Variants in CNRIP1 observed in about 807,000 individuals in gnomAD.
CNRIP1 encodes cannabinoid receptor interacting protein 1, also known as CB1 cannabinoid receptor-interacting protein 1.
In CNRIP1, 10 loss-of-function variants were observed where a neutral mutation model predicts 15.2. The observed-to-expected ratio is 0.66, with a 90% CI of 0.41 to 1.12. The LOEUF is 1.12. Ranked by LOEUF, CNRIP1 falls within the 50% of genes most tolerant of loss-of-function variation. The probability of loss-of-function intolerance (pLI) is 0.00; values close to 1 mark genes in which losing one functional copy is unlikely to be tolerated. For missense variants in CNRIP1, 211 were observed against 214.7 expected, an observed-to-expected ratio of 0.98 and a Z score of 0.11; for synonymous variants, 91 against 83.2, an observed-to-expected ratio of 1.09 and a Z score of -0.51.
rs1671243204 is a variant in CNRIP1, at chr2:68,293,718, C to T, written c.*144G>A. On this transcript the variant is annotated 3_prime_UTR_variant, in exon 3 of 3. Coordinates refer to ENST00000263655, the MANE Select transcript of CNRIP1 (RefSeq NM_015463.3). ...GATATTGTGTCAGAGGGGAATTACA[C>T]TTTCAAAATAACCAGGGCTAGTAGG... The T allele has an allele frequency of 1.4e-6, 2 of 1,435,668 alleles. No homozygotes were observed. Among genetic ancestry groups the T allele is most frequent in the Non-Finnish European group, 1.8e-6 (2 of 1,093,456 alleles). The allele number at this position is 1,435,668 out of a possible 1,614,324, so 88.9% of individuals were successfully genotyped here.
intron 2 of CNRIP1, among the ~76,000 whole-genome samples, chr2:68,294,512 C>T (rs1458827748): frequency 6.6e-6 from 1 of 152,072 alleles, no homozygotes; most frequent in East Asian, 1.9e-4. Flanking sequence ...CCATGTTCAT[C>T]CCCCAAATGG....
intron 2 of CNRIP1, among the ~76,000 whole-genome samples, chr2:68,310,723 A>AAG (rs1045153435): frequency 6.6e-6 from 1 of 151,972 alleles, no homozygotes; most frequent in African/African-American, 2.4e-5. Flanking sequence ...AAAAAAAAAA[A>AAG]AAGTCAGGCT....
downstream of CNRIP1, among the ~76,000 whole-genome samples, chr2:68,288,023 G>C (rs1221048025): frequency 1.3e-5 from 2 of 151,900 alleles, no homozygotes; most frequent in Admixed American, 6.6e-5. Flanking sequence ...CCCCGTAAAG[G>C]CTAACAGATT....
At chr2:68,316,880 T>C in intron 2 of CNRIP1, 1 of 601,904 alleles carries the variant, frequency 1.7e-6, no homozygotes, top group Non-Finnish European at 3.0e-6. Context: ...AAGTAGACTA[T>C]AACTGGGAAA....
chr2:68,284,442 C>G, exon 3 of CNRIP1: 1 of 1,528,568 alleles, frequency 6.5e-7, no homozygotes, highest in Non-Finnish European at 8.8e-7. Context: ...TCTTCACATT[C>G]ATATGTAAGA....
chr2:68,307,560 A>G lies in CNRIP1; in HGVS notation c.330+9597T>C, dbSNP rs191604575. ...AGGCTAGTCTTGAACTCCTGCCCAC[A>G]TGCGATCCTCTTGCCTTGTCCTCCC... is the stretch of plus-strand genomic sequence containing the variant. On this transcript the variant is annotated intron_variant, in intron 2 of 2. Coordinates refer to ENST00000263655, the MANE Select transcript of CNRIP1 (RefSeq NM_015463.3). Among the ~76,000 whole-genome samples, 46 of 152,250 alleles carry G rather than the reference A, an allele frequency of 3.0e-4. No homozygotes were observed. In the East Asian group the frequency reaches 8.5e-3, roughly 28 times the overall value.
chr2:68,297,918 AT>A, intron 2 of CNRIP1, among the ~76,000 whole-genome samples: 1 of 152,304 alleles, frequency 6.6e-6, no homozygotes, highest in South Asian at 2.1e-4. Context: ...AAAATGAAAA[AT>A]ATTACCTTCT....
intron 2 of CNRIP1, among the ~76,000 whole-genome samples, chr2:68,315,557 A>G (rs72904274): frequency 9.7e-4 from 148 of 152,150 alleles, no homozygotes; most frequent in African/African-American, 3.4e-3. Context: ...AATTTGATAC[A>G]TTCATAAAAT....
intron 1 of CNRIP1, 114 bp downstream of exon 1, chr2:68,319,108 C>A: frequency 8.8e-7 from 1 of 1,139,228 alleles, no homozygotes; most frequent in South Asian, 1.8e-5. Context: ...CCCGGGCCCG[C>A]TGGGAGCGGC....
chr2:68,284,374 G>GAA (rs5831925), exon 3 of CNRIP1: 3,188 of 969,898 alleles, frequency 3.3e-3, no homozygotes, highest in South Asian at 9.2e-3. Context: ...AAATAATTTG[G>GAA]AAAAAAAAAA....
At chr2:68,300,535 T>C (rs1032437493) in intron 2 of CNRIP1, among the ~76,000 whole-genome samples, 1 of 152,044 alleles carries the variant, frequency 6.6e-6, no homozygotes, top group African/African-American at 2.4e-5. Flanking sequence ...GAGAATTGCT[T>C]GAACCTGGAA....
chr2:68,306,151 A>AAAAAAAAAT (rs1671837684), intron 2 of CNRIP1, among the ~76,000 whole-genome samples: 1 of 145,868 alleles, frequency 6.9e-6, no homozygotes, highest in Non-Finnish European at 1.5e-5. Flanking sequence ...AAAAAAAAAA[A>AAAAAAAAAT]TTAGCTGGGT....
chr2:68,312,453 G>T (rs1558668890), intron 2 of CNRIP1, among the ~76,000 whole-genome samples: 1 of 152,170 alleles, frequency 6.6e-6, no homozygotes, highest in Non-Finnish European at 1.5e-5. Context: ...AGGAATAGAA[G>T]AGAACTCCTT....
chr2:68,310,210 C>T lies in CNRIP1; in HGVS notation c.330+6947G>A, dbSNP rs113378229. 1.6e-3 allele frequency among the ~76,000 whole-genome samples: 241 copies of T among 152,182 alleles called. 2 individuals carry two copies. Among genetic ancestry groups the T allele is most frequent in the African/African-American group, 5.5e-3 (228 of 41,528 alleles). On this transcript the variant is annotated intron_variant, in intron 2 of 2. Transcript: ENST00000263655. ...AGGTGTGGTGGCACGCGCCTGTAGC[C>T]CCAGCTACTCTGGCGGCTGAGGCAG...
downstream of CNRIP1, among the ~76,000 whole-genome samples, chr2:68,289,706 C>A (rs1671115707): frequency 6.6e-6 from 1 of 152,166 alleles, no homozygotes; most frequent in Non-Finnish European, 1.5e-5. Context: ...GTCTCAAACT[C>A]CTGGGCTCAA....
At chr2:68,309,375 A>G (rs886304756) in intron 2 of CNRIP1, among the ~76,000 whole-genome samples, 20 of 152,344 alleles carry the variant, frequency 1.3e-4, no homozygotes, top group African/African-American at 4.8e-4. Context: ...CCTTCTAAAT[A>G]TCTTTATTTT....
chr2:68,306,407 G>A (rs1279352380), intron 2 of CNRIP1, among the ~76,000 whole-genome samples: 3 of 151,498 alleles, frequency 2.0e-5, no homozygotes, highest in East Asian at 1.9e-4. Flanking sequence ...ATCTGAACTC[G>A]TCAGGCCTGA....
intron 2 of CNRIP1, among the ~76,000 whole-genome samples, chr2:68,305,200 C>T (rs866186945): frequency 8.9e-5 from 13 of 146,252 alleles, no homozygotes; most frequent in Non-Finnish European, 1.5e-5. Flanking sequence ...GCCGAGATTG[C>T]GCCATCGTAC....
At chr2:68,291,054 A>G (rs77862648), downstream of CNRIP1, among the ~76,000 whole-genome samples, 3,895 of 152,272 alleles carry the variant, frequency 0.026, 175 homozygotes, top group African/African-American at 0.087. Flanking sequence ...ATAGCTGAGC[A>G]CTCAAATTTT....
Sources: gnomAD v4.1 joint callset for allele counts (sites outside exome capture counted in the v4.1 genomes callset) on GRCh38, gnomAD v4.1.1 for gene constraint, MANE v1.5 for transcripts, NCBI Gene and HGNC (gene_info 2026-07-23, HGNC 2026-07-21) for gene names.